Variants in RIMS2 observed in about 807,000 individuals in gnomAD.
RIMS2 encodes the protein regulating synaptic membrane exocytosis protein 2.
A neutral mutation model predicts 174.4 loss-of-function variants in RIMS2; 59 were observed. The observed-to-expected ratio is 0.34, with a 90% confidence interval of 0.27 to 0.42. RIMS2 has a LOEUF of 0.42. Ranked by LOEUF, RIMS2 falls within the 10% of genes least tolerant of loss-of-function variation. The pLI, the probability that RIMS2 is intolerant of heterozygous loss-of-function variation, is 1.00. For synonymous variants in RIMS2, 606 were observed against 572.5 expected, an observed-to-expected ratio of 1.06 and a Z score of -0.84; for missense variants, 1,620 against 1,666.3, an observed-to-expected ratio of 0.97 and a Z score of 0.48.
chr8:104,228,005 C>T (rs1205400239), intron 19 of RIMS2, among the ~76,000 whole-genome samples: 1 of 151,408 alleles, frequency 6.6e-6, no homozygotes, highest in African/African-American at 2.4e-5. Context: ...CTCAGCCTCA[C>T]TCTTTGTGTG....
intron 7 of RIMS2, 55 bp from the exon 11 acceptor site, chr8:103,916,359 A>G: frequency 7.5e-7 from 1 of 1,341,826 alleles, no homozygotes; most frequent in South Asian, 1.3e-5. Context: ...TCTTAAGTGT[A>G]ATTTGTCAGA....
At chr8:103,842,884 G>T (rs774915457) in intron 3 of RIMS2, among the ~76,000 whole-genome samples, 36 of 152,220 alleles carry the variant, frequency 2.4e-4, no homozygotes, top group Non-Finnish European at 4.3e-4. Flanking sequence ...GTGTCAGGAG[G>T]TTTGGTTTCT....
At position 103,589,309 on chromosome 8, in the gene RIMS2, C is replaced by T. The variant is rs1217294975; in HGVS notation, c.176+88247C>T. 1.9e-4 allele frequency among the ~76,000 whole-genome samples: 26 copies of T among 139,286 alleles called. No individual in the cohort carries two copies. In the Admixed American group the frequency reaches 1.9e-3, roughly 10 times the overall value. The allele number at this position is 139,286 out of a possible 152,430, so 91.4% of individuals were successfully genotyped here. ...TTCTTGAATTAAGACATGCAAATGG[C>T]AAAGAGGCATATGAAAAAGTGCTCT... On this transcript the variant is annotated intron_variant, in intron 1 of 23. Coordinates refer to ENST00000504942, the Ensembl canonical transcript of RIMS2.
rs537879971 is a variant in RIMS2, at chr8:103,739,953, G to A, written c.388-26274G>A. On this transcript the variant is annotated intron_variant, in intron 2 of 23. Coordinates refer to ENST00000504942, the Ensembl canonical transcript of RIMS2. ...CTTGGGGTCTGTTTCACTTTTGAGA[G>A]CAATTTTTATTATATTGGATGGTGG... Among the ~76,000 whole-genome samples, 383 of 152,152 alleles carry A rather than the reference G, an allele frequency of 2.5e-3. 3 individuals carry two copies. The highest frequency in any genetic ancestry group is 3.8e-3 in the Non-Finnish European group (261 of 68,006).
chr8:103,752,256 G>A (rs973412500), intron 2 of RIMS2, among the ~76,000 whole-genome samples: 2 of 152,056 alleles, frequency 1.3e-5, no homozygotes, highest in Admixed American at 1.3e-4. Context: ...AGATCAGATA[G>A]TTGTAGATAT....
intron 3 of RIMS2, among the ~76,000 whole-genome samples, chr8:103,798,164 A>G (rs190897971): frequency 4.6e-5 from 7 of 152,320 alleles, no homozygotes; most frequent in East Asian, 3.9e-4. Flanking sequence ...TCTCTGTGTC[A>G]TATGAATTTA....
intron 19 of RIMS2, among the ~76,000 whole-genome samples, chr8:104,115,699 G>T (rs1426549728): frequency 6.6e-6 from 1 of 152,046 alleles, no homozygotes; most frequent in African/African-American, 2.4e-5. Flanking sequence ...AGACCTAAAG[G>T]GGCCAAGCAG....
At chr8:103,765,627 G>A (rs2098162441) in intron 2 of RIMS2, among the ~76,000 whole-genome samples, 1 of 151,616 alleles carries the variant, frequency 6.6e-6, no homozygotes, top group South Asian at 2.1e-4. Context: ...TAGCCATTAG[G>A]TGCTACTTGA....
intron 1 of RIMS2, among the ~76,000 whole-genome samples, chr8:103,663,468 C>T (rs1267098315): frequency 6.6e-6 from 1 of 152,132 alleles, no homozygotes; most frequent in Admixed American, 6.5e-5. Context: ...GTGCAAAAAT[C>T]ACAAGCATTC....
intron 6 of RIMS2, among the ~76,000 whole-genome samples, 169 bp from the exon 10 acceptor site, chr8:103,915,326 G>A (rs2076452410): frequency 6.6e-6 from 1 of 152,000 alleles, no homozygotes; most frequent in Admixed American, 6.6e-5. Context: ...CTAGCTCTTA[G>A]GGCATGTGCT....
intron 19 of RIMS2, among the ~76,000 whole-genome samples, chr8:104,147,150 A>C (rs2098647222): frequency 6.6e-6 from 1 of 152,064 alleles, no homozygotes; most frequent in South Asian, 2.1e-4. Context: ...GAAAATTATC[A>C]TTTCAGGATA....
chr8:103,967,190 T>TG (rs1380686504), intron 15 of RIMS2, among the ~76,000 whole-genome samples: 1 of 134,098 alleles, frequency 7.5e-6, no homozygotes, highest in African/African-American at 2.9e-5. Context: ...TTTTTTTTTT[T>TG]TTTTTTTTTT....
intron 19 of RIMS2, among the ~76,000 whole-genome samples, chr8:104,167,465 T>G (rs565101832): frequency 6.6e-6 from 1 of 152,278 alleles, no homozygotes; most frequent in Non-Finnish European, 1.5e-5. Flanking sequence ...TGCTGGCTAT[T>G]TGTATATCCT....
chr8:103,694,394 G>C (rs539886462), intron 1 of RIMS2, among the ~76,000 whole-genome samples: 3 of 152,156 alleles, frequency 2.0e-5, no homozygotes, highest in African/African-American at 4.8e-5. Context: ...CCTGGAGGCT[G>C]GGTCTTTGTG....
In RIMS2 at chr8:104,132,669, G is replaced by A. The variant is rs551672864; in HGVS notation, c.3335-112247G>A. The stretch of plus-strand genomic sequence containing the variant: ...GACAGATAAGCACAATTACCACAGC[G>A]TATCATACCTGTACGGTAAGGCAGA... On this transcript the variant is annotated intron_variant, in intron 19 of 23. Transcript: ENST00000504942. Among the ~76,000 whole-genome samples, 9 of 152,256 alleles carry A rather than the reference G, an allele frequency of 5.9e-5. No individual in the cohort carries two copies. In the South Asian group the frequency reaches 1.7e-3, roughly 28 times the overall value.
At chr8:103,793,918 C>T (rs1233456397) in intron 3 of RIMS2, among the ~76,000 whole-genome samples, 1 of 152,028 alleles carries the variant, frequency 6.6e-6, no homozygotes, top group Non-Finnish European at 1.5e-5. Context: ...AACCACTGCT[C>T]AACGAAATAA....
At chr8:103,714,003 C>T (rs2097339700) in intron 2 of RIMS2, among the ~76,000 whole-genome samples, 1 of 152,190 alleles carries the variant, frequency 6.6e-6, no homozygotes, top group South Asian at 2.1e-4. Context: ...TGGATTTAAG[C>T]ATCATCTCCT....
At chr8:103,647,874 T>G (rs2096371709) in intron 1 of RIMS2, among the ~76,000 whole-genome samples, 1 of 151,062 alleles carries the variant, frequency 6.6e-6, no homozygotes, top group South Asian at 2.1e-4. Flanking sequence ...AACCAGCTGC[T>G]GGGTTCATTG....
intron 19 of RIMS2, among the ~76,000 whole-genome samples, chr8:104,136,152 T>C (rs2098517767): frequency 6.6e-6 from 1 of 152,194 alleles, no homozygotes; most frequent in African/African-American, 2.4e-5. Flanking sequence ...ACTTTTGCCG[T>C]AAGTGTGTTC....
Sources: gnomAD v4.1 joint callset for allele counts (sites outside exome capture counted in the v4.1 genomes callset) on GRCh38, gnomAD v4.1.1 for gene constraint, MANE v1.5 for transcripts, NCBI Gene and HGNC (gene_info 2026-07-23, HGNC 2026-07-21) for gene names.